The following RBFOX1 variants were observed in gnomAD, a reference collection of about 807,000 sequenced individuals.
The protein encoded by RBFOX1 is RNA binding fox-1 homolog 1, also known as RNA binding protein fox-1 homolog 1.
RBFOX1 carries 8 observed loss-of-function variants against 57.7 expected under a neutral mutation model. The ratio of observed to expected loss-of-function variants is 0.14; its 90% CI spans 0.08 to 0.25. The LOEUF is 0.25. Ranked by LOEUF, RBFOX1 falls within the 10% of genes least tolerant of loss-of-function variation. The pLI, the probability that RBFOX1 is intolerant of heterozygous loss-of-function variation, is 1.00. For missense variants in RBFOX1, 611 were observed against 548.5 expected (o/e 1.11, Z -1.14); for synonymous variants, 326 against 222.4 (o/e 1.47, Z -4.15).
chr16:6,672,626 G>C, intron 3 of RBFOX1, among the ~76,000 whole-genome samples: 1 of 152,112 alleles, frequency 6.6e-6, no homozygotes, highest in Non-Finnish European at 1.5e-5. Flanking sequence ...ACTGACTTCA[G>C]GTACACATGG....
rs75375024 is a variant in RBFOX1 at position 5,552,847 on chromosome 16, G to T, written c.259-46055G>T. 1.4e-4 allele frequency among the ~76,000 whole-genome samples: 20 copies of T among 140,456 alleles called. No individual in the cohort carries two copies. In the East Asian group the frequency reaches 3.7e-3, roughly 26 times the overall value. The allele number at this position is 140,456 out of a possible 152,430, so 92.1% of individuals were successfully genotyped here. A position where few individuals can be genotyped will look rare whatever the true frequency, so the allele number is the denominator to read the frequency against. ...CAGATACAGCCCTTGGGAAACGAGGGAAAAGGGAGAAGGTCAGCATGTTCC... is the reference window on the plus strand; with the variant it reads ...CAGATACAGCCCTTGGGAAACGAGGTAAAAGGGAGAAGGTCAGCATGTTCC... On this transcript the variant is annotated intron_variant, in intron 2 of 2. Transcript: ENST00000585867.
intron 3 of RBFOX1, among the ~76,000 whole-genome samples, chr16:6,929,886 C>A (rs369089239): frequency 6.6e-6 from 1 of 152,136 alleles, no homozygotes; most frequent in Non-Finnish European, 1.5e-5. Flanking sequence ...ACTGCTTTAG[C>A]CCTTATGGAG....
At chr16:7,302,538 T>G (rs2096059177) in intron 4 of RBFOX1, among the ~76,000 whole-genome samples, 1 of 151,910 alleles carries the variant, frequency 6.6e-6, no homozygotes. Context: ...GGTTCCGTCC[T>G]GCAGGTCAGT....
intron 3 of RBFOX1, among the ~76,000 whole-genome samples, chr16:5,608,987 G>A (rs903420185): frequency 1.3e-5 from 2 of 152,172 alleles, no homozygotes; most frequent in African/African-American, 4.8e-5. Context: ...GCCAATCCAT[G>A]CCAAATATTG....
intron 3 of RBFOX1, among the ~76,000 whole-genome samples, chr16:6,729,499 C>T (rs2068017265): frequency 6.6e-6 from 1 of 152,058 alleles, no homozygotes; most frequent in African/African-American, 2.4e-5. Context: ...TTTTAAAGTG[C>T]CAGTTTAGAC....
At chr16:6,832,531 C>G (rs1414332599) in intron 3 of RBFOX1, among the ~76,000 whole-genome samples, 1 of 152,160 alleles carries the variant, frequency 6.6e-6, no homozygotes, top group Non-Finnish European at 1.5e-5. Context: ...TTGTATGCCT[C>G]TTGCTTAGTA....
At chr16:5,991,492 G>T (rs1473741548) in intron 4 of RBFOX1, among the ~76,000 whole-genome samples, 1 of 152,146 alleles carries the variant, frequency 6.6e-6, no homozygotes, top group Non-Finnish European at 1.5e-5. Context: ...TATCTCTGGA[G>T]ACCTTTACGG....
At chr16:6,628,845 A>G (rs908589325) in intron 2 of RBFOX1, among the ~76,000 whole-genome samples, 1 of 151,262 alleles carries the variant, frequency 6.6e-6, no homozygotes, top group Non-Finnish European at 1.5e-5. Context: ...CCTGACCAGT[A>G]TGGTGAAACC....
chr16:7,463,735 C>G (rs948867907), intron 4 of RBFOX1, among the ~76,000 whole-genome samples: 1 of 152,154 alleles, frequency 6.6e-6, no homozygotes, highest in African/African-American at 2.4e-5. Context: ...GGGGGCCGTT[C>G]TGCCTACTAC....
chr16:7,022,386 C>A (rs941065947), intron 3 of RBFOX1, among the ~76,000 whole-genome samples: 1 of 151,850 alleles, frequency 6.6e-6, no homozygotes, highest in Non-Finnish European at 1.5e-5. Context: ...GATGGTAGAG[C>A]TGGGATTCGA....
At chr16:6,235,617 CAT>C (rs200763219) in intron 1 of RBFOX1, among the ~76,000 whole-genome samples, 2,467 of 146,884 alleles carry the variant, frequency 0.017, 31 homozygotes, top group Non-Finnish European at 0.027. Flanking sequence ...GATATTTATA[CAT>C]ATATATATAC....
chr16:5,402,517 G>A (rs1431179146), intron 1 of RBFOX1, among the ~76,000 whole-genome samples: 1 of 152,166 alleles, frequency 6.6e-6, no homozygotes, highest in Non-Finnish European at 1.5e-5. Flanking sequence ...GGAGGCTACT[G>A]TCTTCCTTTT....
At chr16:6,648,760 C>A (rs779338504) in intron 2 of RBFOX1, among the ~76,000 whole-genome samples, 1 of 152,146 alleles carries the variant, frequency 6.6e-6, no homozygotes, top group African/African-American at 2.4e-5. Context: ...GCTGCTTTTT[C>A]TCACCTCATT....
intron 3 of RBFOX1, among the ~76,000 whole-genome samples, chr16:6,936,767 A>G (rs755660103): frequency 2.6e-5 from 4 of 152,086 alleles, no homozygotes; most frequent in Non-Finnish European, 5.9e-5. Flanking sequence ...TGGTAATTCA[A>G]AGCAGATAAA....
chr16:6,903,469 C>G (rs949924100), intron 3 of RBFOX1, among the ~76,000 whole-genome samples: 4 of 152,196 alleles, frequency 2.6e-5, no homozygotes, highest in African/African-American at 9.7e-5. Flanking sequence ...TTTGAATTCT[C>G]TAGTGTCTAG....
upstream of RBFOX1, among the ~76,000 whole-genome samples, chr16:6,016,541 A>G (rs1218065746): frequency 3.3e-5 from 5 of 152,232 alleles, no homozygotes; most frequent in Admixed American, 6.5e-5. Flanking sequence ...TTTTAAAGTA[A>G]GATGATGAAA....
chr16:6,840,342 C>A (rs545697581), intron 3 of RBFOX1, among the ~76,000 whole-genome samples: 1 of 152,134 alleles, frequency 6.6e-6, no homozygotes, highest in Non-Finnish European at 1.5e-5. Flanking sequence ...AACATTCATT[C>A]GTTCATTCAT....
rs112210035 is a variant in RBFOX1, at chr16:6,030,669, G to A, written c.-127+10677G>A. Among the ~76,000 whole-genome samples the A allele has an allele frequency of 3.3e-3, 504 of 152,278 alleles. 2 individuals are homozygous for A. The highest frequency in any genetic ancestry group is 0.012 in the African/African-American group (485 of 41,566). ...GCCCTTTAAAACACCAGGAACCCTG[G>A]AAAATAGGACCATATAGTGCAGTGC... On this transcript the variant is annotated intron_variant, in intron 1 of 15. Transcript: ENST00000550418.
chr16:7,349,527 G>T (rs1010302243), intron 4 of RBFOX1, among the ~76,000 whole-genome samples: 4 of 115,858 alleles, frequency 3.5e-5, no homozygotes, highest in Non-Finnish European at 6.0e-5. Flanking sequence ...AAATTTAAAA[G>T]ACTTTTTTTT....
Sources: allele counts gnomAD v4.1 joint callset (sites outside exome capture counted in the v4.1 genomes callset), GRCh38; gene constraint gnomAD v4.1.1; transcripts MANE v1.5; gene names NCBI Gene and HGNC (gene_info 2026-07-23, HGNC 2026-07-21).